Variants in COBL observed in about 807,000 individuals in gnomAD.
The protein encoded by COBL is cordon-bleu WH2 repeat protein, also known as protein cordon-bleu.
A neutral mutation model predicts 98.8 loss-of-function variants in COBL; 51 were observed. The ratio of observed to expected loss-of-function variants is 0.52; its 90% CI spans 0.41 to 0.65. The LOEUF (loss-of-function observed/expected upper bound fraction) is 0.65. Among genes scored for constraint, COBL ranks in the 30% least tolerant of loss-of-function variants. The pLI is 0.00. For synonymous variants in COBL, 634 were observed against 651.7 expected (o/e 0.97, Z 0.41); for missense variants, 1,617 against 1,617.5 (o/e 1.00, Z 0.01).
chr7:51,144,663 A>T lies in COBL; in HGVS notation c.784-8332T>A, dbSNP rs1051070148. On this transcript the variant is annotated intron_variant, in intron 5 of 12. Coordinates refer to ENST00000265136, the MANE Select transcript of COBL (RefSeq NM_015198.5). ...GTTTCAGAATGTTTTCATCATCCCA[A>T]AAGGAGACCTTGTACCCATTAAGCA... Among the ~76,000 whole-genome samples, 6 of 152,128 alleles carry T rather than the reference A, an allele frequency of 3.9e-5. 1 individual carries two copies. The South Asian group carries it at 1.2e-3, about 32-fold the overall frequency.
intron 5 of COBL, among the ~76,000 whole-genome samples, chr7:51,145,322 T>G (rs1257208970): frequency 6.6e-6 from 1 of 152,006 alleles, no homozygotes; most frequent in South Asian, 2.1e-4. Flanking sequence ...GGCCTGTTTT[T>G]AATTCTTTTG....
In COBL at chr7:51,190,913, C is replaced by T; in HGVS notation, c.622G>A (p.Glu208Lys). Residue 208 changes from glutamate (E) to lysine (K), a missense_variant, in exon 4 of 13, where the codon GAG becomes AAG. By Grantham distance (56) the Glu-to-Lys change is moderately conservative. Coordinates refer to ENST00000265136, the MANE Select transcript of COBL (RefSeq NM_015198.5). ...AGCTCGTTCAGGGACTTGGACAGCT[C>T]CAGCTCCTCTCCGGCAATGTTGTCC... ...LRDNIAGEEL[E>K]LSKSLNELGI... is the part of the protein sequence containing the mutation. The T allele has an allele frequency of 2.5e-6, 4 of 1,614,146 alleles. No homozygotes were observed. The highest frequency in any genetic ancestry group is 3.4e-6 in the Non-Finnish European group (4 of 1,180,038).
intron 7 of COBL, among the ~76,000 whole-genome samples, chr7:51,058,686 G>T (rs2128907389): frequency 6.6e-6 from 1 of 152,278 alleles, no homozygotes; most frequent in Non-Finnish European, 1.5e-5. Context: ...GTAAAACGGG[G>T]ATAAGAATAA....
chr7:51,067,165 C>T (rs560453927), intron 7 of COBL, among the ~76,000 whole-genome samples: 2 of 152,312 alleles, frequency 1.3e-5, no homozygotes, highest in South Asian at 2.1e-4. Flanking sequence ...GCTAATATAG[C>T]CACATACTGT....
intron 1 of COBL, among the ~76,000 whole-genome samples, chr7:51,244,186 G>A (rs1002063523): frequency 1.3e-5 from 2 of 152,098 alleles, no homozygotes; most frequent in African/African-American, 2.4e-5. Flanking sequence ...GAGAACTGAG[G>A]CTGCAAACCA....
At chr7:51,073,258 G>A (rs1252701097) in intron 7 of COBL, 6 of 605,986 alleles carry the variant, frequency 9.9e-6, no homozygotes, top group Non-Finnish European at 1.8e-5. Flanking sequence ...CTTTTATCCT[G>A]AAAGGAGGAA....
At chr7:51,058,214 C>G (rs1325652950) in intron 7 of COBL, among the ~76,000 whole-genome samples, 6 of 151,804 alleles carry the variant, frequency 4.0e-5, no homozygotes, top group Admixed American at 3.9e-4. Context: ...GCACTTTGTA[C>G]TCAACAGATT....
chr7:51,132,767 T>C (rs1798873356), intron 6 of COBL, among the ~76,000 whole-genome samples: 1 of 152,092 alleles, frequency 6.6e-6, no homozygotes, highest in Admixed American at 6.5e-5. Flanking sequence ...AAGCTTTTAC[T>C]CATGGTGAAA....
chr7:51,103,120 G>A (rs1019364926), intron 6 of COBL, among the ~76,000 whole-genome samples: 1 of 152,210 alleles, frequency 6.6e-6, no homozygotes, highest in African/African-American at 2.4e-5. Flanking sequence ...CAGGCTTTCA[G>A]AAAGGCTATT....
intron 2 of COBL, among the ~76,000 whole-genome samples, chr7:51,219,251 T>A (rs186934051): frequency 1.2e-3 from 180 of 152,352 alleles, no homozygotes; most frequent in Middle Eastern, 3.4e-3. Flanking sequence ...GGTTGGTTTA[T>A]TCCTTCATCT....
chr7:51,198,041 T>A (rs532063482), intron 2 of COBL, among the ~76,000 whole-genome samples: 23 of 152,328 alleles, frequency 1.5e-4, no homozygotes, highest in African/African-American at 5.5e-4. Context: ...TATATGTGGA[T>A]TTGATCCTGT....
At chr7:51,127,591 G>A (rs1410099510) in intron 6 of COBL, among the ~76,000 whole-genome samples, 1 of 152,212 alleles carries the variant, frequency 6.6e-6, no homozygotes, top group African/African-American at 2.4e-5. Context: ...GTTCAAGGCA[G>A]ACTTTTGACT....
At chr7:51,102,973 G>C (rs1209293865) in intron 6 of COBL, among the ~76,000 whole-genome samples, 1 of 152,220 alleles carries the variant, frequency 6.6e-6, no homozygotes, top group African/African-American at 2.4e-5. Context: ...ATAAGCTCTA[G>C]AGATCCGCTG....
intron 1 of COBL, chr7:51,259,675 G>A: frequency 1.4e-6 from 1 of 737,012 alleles, no homozygotes; most frequent in Non-Finnish European, 2.5e-6. Context: ...CTGTCTGAGG[G>A]ATGGTCTTAT....
intron 6 of COBL, among the ~76,000 whole-genome samples, chr7:51,126,529 G>C (rs1798220965): frequency 1.3e-5 from 2 of 152,130 alleles, no homozygotes; most frequent in African/African-American, 4.8e-5. Flanking sequence ...CATTTATCAG[G>C]GCACCCTCAT....
At chr7:51,264,175 T>C (rs1173577910) in intron 1 of COBL, among the ~76,000 whole-genome samples, 3 of 152,078 alleles carry the variant, frequency 2.0e-5, no homozygotes, top group Non-Finnish European at 4.4e-5. Context: ...GGATCAAAAC[T>C]GCAGGCAAGG....
intron 5 of COBL, among the ~76,000 whole-genome samples, chr7:51,153,160 G>T (rs537408053): frequency 1.3e-5 from 2 of 152,104 alleles, no homozygotes; most frequent in African/African-American, 4.8e-5. Context: ...TGCACACTCC[G>T]GTGAGAAGCT....
chr7:51,049,886 T>C (rs1350551087), intron 7 of COBL, among the ~76,000 whole-genome samples: 1 of 152,294 alleles, frequency 6.6e-6, no homozygotes, highest in African/African-American at 2.4e-5. Flanking sequence ...ATTATATAGA[T>C]TCTGCTCTGA....
At chr7:51,273,930 G>A (rs978947674) in intron 1 of COBL, among the ~76,000 whole-genome samples, 4 of 151,986 alleles carry the variant, frequency 2.6e-5, no homozygotes, top group African/African-American at 7.3e-5. Context: ...CTCTGGTGAC[G>A]CCAACTCCCC....
Sources: allele counts gnomAD v4.1 joint callset (sites outside exome capture counted in the v4.1 genomes callset), GRCh38; gene constraint gnomAD v4.1.1; transcripts MANE v1.5; gene names NCBI Gene and HGNC (gene_info 2026-07-23, HGNC 2026-07-21).